Variants in ZNF569 observed in about 807,000 individuals in gnomAD.
The protein encoded by ZNF569 is zinc finger protein 569.
ZNF569 carries 38 observed loss-of-function variants against 56.3 expected under a neutral mutation model. The observed-to-expected ratio is 0.68, with a 90% CI of 0.52 to 0.88. ZNF569 has a LOEUF of 0.88. Ranked by LOEUF, ZNF569 falls within the 40% of genes least tolerant of loss-of-function variation. The pLI is 0.00. For missense variants in ZNF569, 666 were observed against 809.2 expected, an observed-to-expected ratio of 0.82 and a Z score of 2.15; for synonymous variants, 241 against 262.9, an observed-to-expected ratio of 0.92 and a Z score of 0.81.
chr19:37,443,205 G>C (rs765804656), intron 3 of ZNF569, among the ~76,000 whole-genome samples: 18 of 152,150 alleles, frequency 1.2e-4, no homozygotes, highest in Non-Finnish European at 2.4e-4. Context: ...AATTAGCTGG[G>C]CATGGTGGCG....
At chr19:37,434,453 C>A (rs562934164) in intron 3 of ZNF569, among the ~76,000 whole-genome samples, 1 of 152,206 alleles carries the variant, frequency 6.6e-6, no homozygotes, top group African/African-American at 2.4e-5. Flanking sequence ...CCTTGGGAGG[C>A]CGAGGCGGGC....
chr19:37,447,470 A>G (rs1381561552), intron 2 of ZNF569, among the ~76,000 whole-genome samples: 1 of 152,196 alleles, frequency 6.6e-6, no homozygotes, highest in Non-Finnish European at 1.5e-5. Flanking sequence ...TGACACATTA[A>G]TTTAACTGTA....
chr19:37,439,096 G>A (rs1047308225), intron 3 of ZNF569, among the ~76,000 whole-genome samples: 1 of 152,110 alleles, frequency 6.6e-6, no homozygotes, highest in Admixed American at 6.6e-5. Context: ...TTGTGATGGA[G>A]TTTCGCTCTT....
At chr19:37,445,011 C>A in intron 2 of ZNF569, 47 bp from the exon 3 acceptor site, 2 of 1,453,928 alleles carry the variant, frequency 1.4e-6, no homozygotes, top group East Asian at 2.4e-5. Context: ...TCTTTAGTTT[C>A]AGAAACATGC....
intron 5 of ZNF569, among the ~76,000 whole-genome samples, chr19:37,421,900 C>T (rs7246762): frequency 0.03 from 4,573 of 150,296 alleles, 212 homozygotes; most frequent in African/African-American, 0.097. Context: ...CAGGCATGCA[C>T]CATTACATCC....
chr19:37,444,364 T>C (rs1023120333), intron 3 of ZNF569, among the ~76,000 whole-genome samples: 1 of 152,242 alleles, frequency 6.6e-6, no homozygotes, highest in Non-Finnish European at 1.5e-5. Flanking sequence ...ATGTTGGTTG[T>C]TGCGTGTAAC....
intron 3 of ZNF569, among the ~76,000 whole-genome samples, chr19:37,435,744 GACAA>G (rs1477787685): frequency 6.6e-6 from 1 of 152,100 alleles, no homozygotes; most frequent in Non-Finnish European, 1.5e-5. Context: ...TATAAAAAGA[GACAA>G]ACAAGGTCAT....
intron 5 of ZNF569, among the ~76,000 whole-genome samples, chr19:37,419,995 CAG>C (rs1309224318): frequency 5.6e-5 from 6 of 107,684 alleles, no homozygotes; most frequent in East Asian, 2.9e-4. Flanking sequence ...TTTTTTGAGA[CAG>C]AGTCTCCCTC....
At position 37,426,349 on chromosome 19, in the gene ZNF569, G is replaced by A. The variant is rs374033929; in HGVS notation, c.45C>T (p.Ile15=). ...QGTVTFKDVA[I]DFTQEEWKRL... ...TCTTCCACTCCTCCTGAGTGAAGTC[G>A]ATAGCCACATCTTTGAATGTTACTG... The change falls in exon 4 of 6, where the codon ATC becomes ATT. Residue 15 remains isoleucine (I), a synonymous_variant. Transcript: ENST00000316950. 1.1e-5 allele frequency: 18 copies of A among 1,612,290 alleles called. No individual in the cohort carries two copies. The highest frequency in any genetic ancestry group is 5.5e-5 in the South Asian group (5 of 90,640).
intron 3 of ZNF569, among the ~76,000 whole-genome samples, chr19:37,442,738 G>A (rs1295643806): frequency 2.6e-5 from 4 of 152,092 alleles, no homozygotes. Flanking sequence ...ATTCAGCAAT[G>A]AGATTAACTG....
intron 2 of ZNF569, among the ~76,000 whole-genome samples, chr19:37,452,136 T>C (rs2041604207): frequency 6.7e-6 from 1 of 149,030 alleles, no homozygotes; most frequent in Non-Finnish European, 1.5e-5. Context: ...AAAATATAGA[T>C]GTAACAGTCT....
chr19:37,468,622 C>T (rs952980053), upstream of ZNF569, among the ~76,000 whole-genome samples: 3 of 152,238 alleles, frequency 2.0e-5, no homozygotes, highest in Non-Finnish European at 4.4e-5. Context: ...TTTTCTGCCT[C>T]AGCCTCCTGA....
At chr19:37,422,266 TG>T (rs1213895026) in intron 5 of ZNF569, among the ~76,000 whole-genome samples, 1 of 152,152 alleles carries the variant, frequency 6.6e-6, no homozygotes, top group African/African-American at 2.4e-5. Context: ...ATTTCAATAT[TG>T]TTGTGTTTCA....
At chr19:37,443,462 G>C (rs1203977326) in intron 3 of ZNF569, among the ~76,000 whole-genome samples, 1 of 152,136 alleles carries the variant, frequency 6.6e-6, no homozygotes, top group Non-Finnish European at 1.5e-5. Flanking sequence ...GGATAAATCT[G>C]AAAGAAAACC....
upstream of ZNF569, chr19:37,469,226 A>G: frequency 7.4e-7 from 1 of 1,350,292 alleles, no homozygotes; most frequent in African/African-American, 1.5e-5. Flanking sequence ...CCCTGCGCGG[A>G]GCTGCACCGC....
intron 2 of ZNF569, among the ~76,000 whole-genome samples, chr19:37,446,549 CA>C (rs74174464): frequency 0.34 from 20,295 of 60,404 alleles, 1,213 homozygotes; most frequent in African/African-American, 0.41. Flanking sequence ...GACTCCATCT[CA>C]AAAAAAAAAA....
chr19:37,469,124 G>C (rs1453718791), upstream of ZNF569: 2 of 1,093,040 alleles, frequency 1.8e-6, no homozygotes, highest in South Asian at 5.5e-5. Context: ...GCCAGGCTCG[G>C]AGCTGCAGGG....
intron 2 of ZNF569, among the ~76,000 whole-genome samples, chr19:37,463,090 G>C (rs111761221): frequency 2.0e-5 from 3 of 152,096 alleles, no homozygotes; most frequent in Non-Finnish European, 4.4e-5. Flanking sequence ...GTGTCACCTT[G>C]TCTCATTCAC....
At chr19:37,429,866 A>C (rs1163204720) in intron 3 of ZNF569, among the ~76,000 whole-genome samples, 1 of 152,188 alleles carries the variant, frequency 6.6e-6, no homozygotes, top group Non-Finnish European at 1.5e-5. Context: ...AAAATGATGC[A>C]ATTTGAAGAA....
Sources: allele counts gnomAD v4.1 joint callset (sites outside exome capture counted in the v4.1 genomes callset), GRCh38; gene constraint gnomAD v4.1.1; transcripts MANE v1.5; gene names NCBI Gene and HGNC (gene_info 2026-07-23, HGNC 2026-07-21).